The following ACSF2 variants were observed in gnomAD, a reference collection of about 807,000 sequenced individuals.
ACSF2 encodes the protein medium-chain acyl-CoA ligase ACSF2, mitochondrial.
In ACSF2, 52 loss-of-function variants were observed where a neutral mutation model predicts 79.3. The observed-to-expected ratio is 0.66, with a 90% CI of 0.53 to 0.83. The LOEUF (loss-of-function observed/expected upper bound fraction) is 0.83. Ranked by LOEUF, ACSF2 falls within the 40% of genes least tolerant of loss-of-function variation. ACSF2 has a pLI of 0.00. For missense variants in ACSF2, 661 were observed against 803.3 expected (o/e 0.82, Z 2.14); for synonymous variants, 283 against 312.6 (o/e 0.91, Z 1.00).
At chr17:50,440,909 C>T (rs1024111896) in intron 1 of ACSF2, among the ~76,000 whole-genome samples, 1 of 152,220 alleles carries the variant, frequency 6.6e-6, no homozygotes, top group African/African-American at 2.4e-5. Context: ...TCAGATACCA[C>T]AAGGAGATGG....
At chr17:50,473,549 C>G in intron 12 of ACSF2, 116 bp from the exon 13 acceptor site, 1 of 1,424,632 alleles carries the variant, frequency 7.0e-7, no homozygotes, top group Admixed American at 1.9e-5. Flanking sequence ...CTATGTCTCC[C>G]AGAGTCTAGA....
chr17:50,453,536 G>T (rs888988216), intron 1 of ACSF2, among the ~76,000 whole-genome samples: 1 of 152,142 alleles, frequency 6.6e-6, no homozygotes, highest in South Asian at 2.1e-4. Context: ...GATTATATTA[G>T]TGTGTCTCAA....
At chr17:50,464,811 AG>A (rs2032591124) in intron 10 of ACSF2, 2 of 323,590 alleles carry the variant, frequency 6.2e-6, no homozygotes, top group Admixed American at 8.4e-5. Flanking sequence ...GAGGAGCTGG[AG>A]GGTGGGGAAG....
chr17:50,427,063 G>C (rs1915059756), intron 1 of ACSF2: 2 of 1,410,716 alleles, frequency 1.4e-6, no homozygotes, highest in Non-Finnish European at 1.9e-6. Context: ...GAGACACAGA[G>C]AGCAGGCTGC....
chr17:50,460,701 C>T lies in ACSF2; in HGVS notation c.153C>T (p.Val51=), dbSNP rs1301330951. Residue 51 remains valine, a synonymous_variant, in exon 2 of 16, where the codon GTC becomes GTT. Transcript: ENST00000300441. ...FLSSREVDRM[V]STPIGGLSYV... The stretch of plus-strand genomic sequence containing the variant: ...GTTCCAGAGAGGTGGATCGCATGGT[C>T]TCCACGCCCATCGGAGGCCTCAGCT... 6.2e-7 allele frequency: 1 copy of T among 1,612,738 alleles called. No homozygotes were observed. The highest frequency in any genetic ancestry group is 1.7e-5 in the Admixed American group (1 of 59,886).
At chr17:50,467,951 C>G in intron 10 of ACSF2, 1 of 1,380,106 alleles carries the variant, frequency 7.2e-7, no homozygotes, top group Non-Finnish European at 9.8e-7. Flanking sequence ...AACCTGGGGA[C>G]GGGGGATGGT....
Position 50,426,276 on chromosome 17 carries a change from CG to C in ACSF2, c.18del (p.Met7CysfsTer94). 1.4e-6 allele frequency: 2 copies of C among 1,400,260 alleles called. No individual in the cohort carries two copies. Among genetic ancestry groups the C allele is most frequent in the Non-Finnish European group, 1.9e-6 (2 of 1,071,380 alleles). The allele number at this position is 1,400,260 out of a possible 1,614,324, so 86.7% of individuals were successfully genotyped here. A position where few individuals can be genotyped will look rare whatever the true frequency, so the allele number is the denominator to read the frequency against. On this transcript the variant is annotated frameshift_variant, in exon 1 of 16. Coordinates refer to ENST00000300441, the MANE Select transcript of ACSF2 (RefSeq NM_025149.6). LOFTEE classifies it high-confidence loss of function. MAVYV[G>X]MLRLGRLCAG... The stretch of plus-strand genomic sequence containing the variant: ...CAAAGCGAGCCATGGCTGTCTACGT[CG>C]GGATGCTGCGCCTGGGGAGGCTGTG...
At chr17:50,442,914 CT>C (rs941820816) in intron 1 of ACSF2, among the ~76,000 whole-genome samples, 75 of 144,012 alleles carry the variant, frequency 5.2e-4, no homozygotes, top group Middle Eastern at 3.5e-3. Context: ...GGTTTTATTT[CT>C]TTTTTTTTTT....
intron 10 of ACSF2, among the ~76,000 whole-genome samples, chr17:50,466,255 T>C (rs1423628744): frequency 7.2e-6 from 1 of 138,648 alleles, no homozygotes; most frequent in Non-Finnish European, 1.6e-5. Context: ...CCCGGCTAAT[T>C]TTTTTGTATT....
At chr17:50,454,534 A>C (rs1315251417) in intron 1 of ACSF2, among the ~76,000 whole-genome samples, 3 of 152,044 alleles carry the variant, frequency 2.0e-5, no homozygotes. Flanking sequence ...AAATGCTACC[A>C]TTCTTTTCCC....
intron 12 of ACSF2, chr17:50,473,232 TG>T: frequency 5.8e-6 from 1 of 172,318 alleles, no homozygotes. Flanking sequence ...CACTCAAGAC[TG>T]GGCGACAGAG....
intron 1 of ACSF2, among the ~76,000 whole-genome samples, chr17:50,429,828 C>G (rs1915361489): frequency 6.6e-6 from 1 of 152,074 alleles, no homozygotes; most frequent in Admixed American, 6.6e-5. Flanking sequence ...CAGAGTCTTT[C>G]TCCCCAGAAG....
Position 50,463,318 on chromosome 17 carries a change from C to A in ACSF2, c.888+67C>A. 1 of 1,610,004 alleles carries A rather than the reference C, an allele frequency of 6.2e-7. No individual in the cohort carries two copies. The highest frequency in any genetic ancestry group is 1.1e-5 in the South Asian group (1 of 90,508). On this transcript the variant is annotated intron_variant, in intron 7 of 15. Coordinates refer to ENST00000300441, the MANE Select transcript of ACSF2 (RefSeq NM_025149.6). The surrounding 1 kb of genome is among the most constrained non-coding windows in gnomAD (Gnocchi z 4.6). ...GGCTCAGGCAGGGGTGGGGGGCTGG[C>A]TGGGCTCCCCTTGCCAGCTAGAGAG... is the stretch of plus-strand genomic sequence containing the variant.
intron 5 of ACSF2, 24 bp downstream of exon 5, chr17:50,462,326 G>A: frequency 1.2e-6 from 2 of 1,612,846 alleles, no homozygotes; most frequent in Non-Finnish European, 8.5e-7. Context: ...AGGTTAGTGG[G>A]TGGTGCATCA....
At chr17:50,461,122 G>A in intron 2 of ACSF2, 120 bp from the exon 3 acceptor site, 1 of 1,473,406 alleles carries the variant, frequency 6.8e-7, no homozygotes, top group South Asian at 1.3e-5. Flanking sequence ...CTGGGAATCT[G>A]CCTGTCCCTT....
intron 10 of ACSF2, chr17:50,468,480 G>A (rs1472256783): frequency 2.5e-6 from 4 of 1,614,248 alleles, no homozygotes; most frequent in Admixed American, 1.7e-5. Context: ...CGCAGCACGC[G>A]GATGTCGTTA....
At chr17:50,460,101 C>A (rs1324202584) in intron 1 of ACSF2, 2 of 445,154 alleles carry the variant, frequency 4.5e-6, no homozygotes, top group African/African-American at 2.0e-5. Context: ...GCACTGAACA[C>A]CTACAGGCCT....
rs912253496 is a variant in ACSF2, at chr17:50,464,479, G to T, written c.1215+185G>T. ...CAGCACCTGGTGGGTGAAGGAGATA[G>T]GTGGCAGGGGAGTAAATATAATACA... On this transcript the variant is annotated intron_variant, in intron 10 of 15. Transcript: ENST00000300441. The T allele has an allele frequency of 4.2e-6, 3 of 706,286 alleles. No individual in the cohort carries two copies. In the East Asian group the frequency reaches 8.1e-5, roughly 19 times the overall value. 43.8% of individuals were successfully genotyped at this position (706,286 alleles called of 1,614,324 possible).
rs747587071 is a variant in ACSF2, at chr17:50,426,331, C to T, written c.70C>T (p.Arg24Trp). 2.8e-6 allele frequency: 4 copies of T among 1,420,584 alleles called. No individual in the cohort carries two copies. Among genetic ancestry groups the T allele is most frequent in the Admixed American group, 5.3e-5 (2 of 37,680 alleles). 88.0% of individuals were successfully genotyped at this position (1,420,584 alleles called of 1,614,324 possible). A position where few individuals can be genotyped will look rare whatever the true frequency, so the allele number is the denominator to read the frequency against. Residue 24 changes from arginine (R) to tryptophan (W), a missense_variant, in exon 1 of 16, where the codon CGG becomes TGG. Transcript: ENST00000300441. ...CAGSSGVLGARAALSRSWQEA... is the reference protein window; with the variant it reads ...CAGSSGVLGAWAALSRSWQEA... ...CGGGAGCTCGGGGGTGCTGGGGGCC[C>T]GGGCCGCCCTCTCTCGGAGTTGGCA... is the stretch of plus-strand genomic sequence containing the variant.
Sources: allele counts gnomAD v4.1 joint callset (sites outside exome capture counted in the v4.1 genomes callset), GRCh38; gene constraint gnomAD v4.1.1; non-coding constraint Gnocchi (gnomAD v3.1); transcripts MANE v1.5; gene names NCBI Gene and HGNC (gene_info 2026-07-23, HGNC 2026-07-21).